The following TSHZ2 variants were observed in gnomAD, a reference collection of about 807,000 sequenced individuals.
TSHZ2 encodes the protein teashirt zinc finger homeobox 2.
Under a neutral mutation model 74.4 loss-of-function variants are expected in TSHZ2, and 21 were observed. The observed-to-expected ratio is 0.28, with a 90% CI of 0.20 to 0.41. The LOEUF (loss-of-function observed/expected upper bound fraction) is 0.41, where lower values mean the gene tolerates loss of function less well. Ranked by LOEUF, TSHZ2 falls within the 10% of genes least tolerant of loss-of-function variation. The pLI is 1.00. For synonymous variants in TSHZ2, 540 were observed against 515.3 expected (o/e 1.05, Z -0.65); for missense variants, 1,244 against 1,293.5 (o/e 0.96, Z 0.59).
At chr20:53,453,700 C>T (rs1474566451) in intron 2 of TSHZ2, among the ~76,000 whole-genome samples, 1 of 152,216 alleles carries the variant, frequency 6.6e-6, no homozygotes, top group African/African-American at 2.4e-5. Flanking sequence ...TTCATACAAA[C>T]ATTTCTGTGA....
At chr20:53,356,966 C>T (rs566875788) in intron 2 of TSHZ2, among the ~76,000 whole-genome samples, 11 of 151,904 alleles carry the variant, frequency 7.2e-5, no homozygotes, top group Admixed American at 3.3e-4. Flanking sequence ...TGTGTGTGTG[C>T]GCATGTGTGT....
At chr20:53,177,775 G>A (rs940753651) in intron 1 of TSHZ2, among the ~76,000 whole-genome samples, 1 of 152,050 alleles carries the variant, frequency 6.6e-6, no homozygotes, top group African/African-American at 2.4e-5. Flanking sequence ...TGTTTCTAGG[G>A]ACAGTTCCTA....
At chr20:53,003,888 T>C (rs540659050) in intron 1 of TSHZ2, among the ~76,000 whole-genome samples, 1 of 152,160 alleles carries the variant, frequency 6.6e-6, no homozygotes, top group South Asian at 2.1e-4. Context: ...CTTCTTTTTT[T>C]TCTTTTTCTT....
rs768858690 is a variant in TSHZ2 at position 53,253,608 on chromosome 20, G to A, written c.150G>A (p.Thr50=). 29 of 1,614,058 alleles carry A rather than the reference G, an allele frequency of 1.8e-5. 1 individual carries two copies. The highest frequency in any genetic ancestry group is 3.3e-4 in the Middle Eastern group (2 of 6,082). The change falls in exon 2 of 3, where the codon ACG becomes ACA. Residue 50 remains threonine, a synonymous_variant. Transcript: ENST00000371497. Reference sequence around the variant, plus strand: ...TGCAGGGTGGCAATGACACAGGGACGGACGAGGAGCTAGAAACGGGCCCAG... The same window carrying A: ...TGCAGGGTGGCAATGACACAGGGACAGACGAGGAGCTAGAAACGGGCCCAG... The part of the protein sequence containing the change: ...AQLQGGNDTG[T]DEELETGPEQ...
At chr20:53,181,395 G>A (rs1331141311) in intron 1 of TSHZ2, among the ~76,000 whole-genome samples, 5 of 152,174 alleles carry the variant, frequency 3.3e-5, no homozygotes, top group African/African-American at 1.2e-4. Context: ...ACAACAGACT[G>A]GAAGACAGTC....
intron 2 of TSHZ2, among the ~76,000 whole-genome samples, chr20:53,471,803 C>CTTTTT (rs58027394): frequency 9.2e-5 from 8 of 87,212 alleles, no homozygotes; most frequent in South Asian, 4.0e-4. Context: ...CTTTTCTTTT[C>CTTTTT]TTTTTTTTTT....
At chr20:53,334,856 G>A (rs968990694) in intron 2 of TSHZ2, among the ~76,000 whole-genome samples, 1 of 151,998 alleles carries the variant, frequency 6.6e-6, no homozygotes, top group Non-Finnish European at 1.5e-5. Flanking sequence ...GCTAATTTTT[G>A]TATTTTTAGT....
intron 1 of TSHZ2, among the ~76,000 whole-genome samples, chr20:53,106,937 A>G (rs982607437): frequency 6.8e-6 from 1 of 146,204 alleles, no homozygotes; most frequent in African/African-American, 2.6e-5. Context: ...ACCTCAAGTG[A>G]TCCGCCCACC....
chr20:53,376,948 G>A (rs1316743768), intron 2 of TSHZ2, among the ~76,000 whole-genome samples: 1 of 152,248 alleles, frequency 6.6e-6, no homozygotes, highest in Non-Finnish European at 1.5e-5. Context: ...CAAAAAGAGT[G>A]GAAATAGGCT....
At chr20:53,095,886 T>C (rs776997951) in intron 1 of TSHZ2, among the ~76,000 whole-genome samples, 6 of 151,970 alleles carry the variant, frequency 3.9e-5, no homozygotes, top group Non-Finnish European at 7.4e-5. Context: ...ACCTCACAAT[T>C]CACCAGGGAA....
At chr20:53,185,504 C>T (rs983103681) in intron 1 of TSHZ2, 9 of 1,386,328 alleles carry the variant, frequency 6.5e-6, no homozygotes, top group Non-Finnish European at 8.6e-6. Context: ...ATGGTGAAAC[C>T]TCAGGAGGCT....
intron 2 of TSHZ2, among the ~76,000 whole-genome samples, chr20:53,410,431 C>T (rs1440827748): frequency 6.6e-6 from 1 of 152,048 alleles, no homozygotes; most frequent in Non-Finnish European, 1.5e-5. Context: ...TGCCAAGGCA[C>T]CTGTAAGTTA....
intron 1 of TSHZ2, among the ~76,000 whole-genome samples, chr20:53,106,409 TTTTTTTTTTTTTTG>T (rs1258400061): frequency 8.0e-6 from 1 of 125,234 alleles, no homozygotes; most frequent in African/African-American, 3.1e-5. Context: ...TTTTTTTTTT[TTTTTTTTTTTTTTG>T]AGACGGAGTC....
chr20:52,988,756 A>G (rs1391221705), intron 1 of TSHZ2, among the ~76,000 whole-genome samples: 1 of 152,190 alleles, frequency 6.6e-6, no homozygotes, highest in Non-Finnish European at 1.5e-5. Context: ...GTAGAAAAAA[A>G]TCATGAAAAC....
Position 53,186,379 on chromosome 20 carries a change from A to G in TSHZ2, c.41-67120A>G, listed in dbSNP as rs193124943. The stretch of plus-strand genomic sequence containing the variant: ...CTCAGAATTGCCTGAAGACTTTTCT[A>G]CAATACAACTTTCAAAAACCCACTG... On this transcript the variant is annotated intron_variant, in intron 1 of 2. Coordinates refer to ENST00000371497, the MANE Select transcript of TSHZ2 (RefSeq NM_173485.6). Among the ~76,000 whole-genome samples, 10 of 152,348 alleles carry G rather than the reference A, an allele frequency of 6.6e-5. No individual in the cohort carries two copies. In the East Asian group the frequency reaches 1.9e-3, roughly 29 times the overall value.
rs1158928167 is a variant in TSHZ2 at position 53,493,075 on chromosome 20, G to C, written c.*5940G>C. On this transcript the variant is annotated 3_prime_UTR_variant, in exon 3 of 3. Transcript: ENST00000371497. ...TACAATGCAGCTTGGATGGCTGGGA[G>C]CGTAAGCCTTCCGTGCATTTTTATA... is the stretch of plus-strand genomic sequence containing the variant. 6.6e-6 allele frequency: 1 copy of C among 152,196 alleles called. No homozygotes were observed. The highest frequency in any genetic ancestry group is 2.4e-5 in the African/African-American group (1 of 41,446). 9.4% of individuals were successfully genotyped at this position (152,196 alleles called of 1,614,324 possible).
At chr20:53,157,886 C>T (rs948623069) in intron 1 of TSHZ2, among the ~76,000 whole-genome samples, 2 of 152,064 alleles carry the variant, frequency 1.3e-5, no homozygotes, top group Admixed American at 6.6e-5. Flanking sequence ...GGTTCCTGAC[C>T]TCAAGAAGGT....
chr20:53,088,354 C>A (rs1161303071), intron 1 of TSHZ2, among the ~76,000 whole-genome samples: 3 of 152,128 alleles, frequency 2.0e-5, no homozygotes, highest in Non-Finnish European at 4.4e-5. Flanking sequence ...AATTATCATA[C>A]AGGAAATTGC....
chr20:53,167,911 T>A (rs1291446032), intron 1 of TSHZ2, among the ~76,000 whole-genome samples: 1 of 152,244 alleles, frequency 6.6e-6, no homozygotes, highest in Admixed American at 6.5e-5. Context: ...AAGGTGTTTC[T>A]TTATGCCCAG....
Sources: gnomAD v4.1 joint callset for allele counts (sites outside exome capture counted in the v4.1 genomes callset) on GRCh38, gnomAD v4.1.1 for gene constraint, MANE v1.5 for transcripts, NCBI Gene and HGNC (gene_info 2026-07-23, HGNC 2026-07-21) for gene names.